The following COQ8B variants were observed in gnomAD, a reference collection of about 807,000 sequenced individuals.
COQ8B encodes coenzyme Q8B.
COQ8B carries 44 observed loss-of-function variants against 62.0 expected under a neutral mutation model. The ratio of observed to expected loss-of-function variants is 0.71; its 90% CI spans 0.56 to 0.91. The LOEUF (loss-of-function observed/expected upper bound fraction) is 0.91. Among genes scored for constraint, COQ8B ranks in the 40% least tolerant of loss-of-function variants. The pLI is 0.00. For synonymous variants in COQ8B, 252 were observed against 289.9 expected (o/e 0.87, Z 1.33); for missense variants, 649 against 731.6 (o/e 0.89, Z 1.30).
chr19:40,709,663 G>T (rs2082125866), intron 5 of COQ8B, among the ~76,000 whole-genome samples: 1 of 152,128 alleles, frequency 6.6e-6, no homozygotes, highest in South Asian at 2.1e-4. Context: ...GGCCAACATG[G>T]TGAAACCGTC....
In COQ8B at chr19:40,705,106, C is replaced by T; in HGVS notation, c.566G>A (p.Trp189Ter). ...VRQSADFMPRWQMLRVLEEEL... is the reference protein window; with the variant it reads ...VRQSADFMPR ...CCACTGGGCACTCACCAGCATCTGC[C>T]AGCGGGGCATGAAGTCGGCGCTCTG... Residue 189 changes from tryptophan to a stop codon, truncating the protein, a stop_gained, in exon 7 of 15, where the codon TGG (tryptophan) becomes TAG (stop). Transcript: ENST00000324464. LOFTEE classifies it high-confidence loss of function. 1 of 1,609,196 alleles carries T rather than the reference C, an allele frequency of 6.2e-7. No individual in the cohort carries two copies. Among genetic ancestry groups the T allele is most frequent in the Non-Finnish European group, 8.5e-7 (1 of 1,177,982 alleles).
At chr19:40,715,948 C>G (rs1443515511) in intron 1 of COQ8B, 1 of 152,486 alleles carries the variant, frequency 6.6e-6, no homozygotes, top group Non-Finnish European at 1.5e-5. Context: ...ATAGAGGCAT[C>G]TGGTTGGGGC....
At chr19:40,712,326 G>C (rs550055991) in intron 4 of COQ8B, among the ~76,000 whole-genome samples, 3 of 150,854 alleles carry the variant, frequency 2.0e-5, no homozygotes, top group Non-Finnish European at 4.4e-5. Context: ...TGTAATCCTG[G>C]CACTTTAGGA....
chr19:40,693,071 G>C lies in COQ8B; in HGVS notation c.1210-34C>G, dbSNP rs1206659294. The C allele has an allele frequency of 3.1e-6, 5 of 1,593,012 alleles. No homozygotes were observed. In the African/African-American group the frequency reaches 5.4e-5, roughly 17 times the overall value. ...ACGGGTGGGAGTTAGAGGGACAAAG[G>C]CCGGGGCTCAAGGGGGCTCTGGAGA... On this transcript the variant is annotated intron_variant, in intron 13 of 14. Coordinates refer to ENST00000324464, the MANE Select transcript of COQ8B (RefSeq NM_024876.4).
At position 40,714,653 on chromosome 19, in the gene COQ8B, G is replaced by A. The variant is rs1430034482; in HGVS notation, c.-3-18C>T. ...CACATTGCCTGGAGGAGAAGAGGAG[G>A]GATTATTCAGGTGGGAGTTGCCTGG... On this transcript the variant is annotated intron_variant, in intron 1 of 14. Coordinates refer to ENST00000324464, the MANE Select transcript of COQ8B (RefSeq NM_024876.4). 3.2e-6 allele frequency: 5 copies of A among 1,570,388 alleles called. No individual in the cohort carries two copies. Among genetic ancestry groups the A allele is most frequent in the Middle Eastern group, 1.7e-4 (1 of 5,826 alleles).
At chr19:40,697,875 G>GAGAGGGAGAGAGAGAGGC (rs58313890) in intron 12 of COQ8B, among the ~76,000 whole-genome samples, 2 of 103,476 alleles carry the variant, frequency 1.9e-5, no homozygotes, top group South Asian at 6.6e-4. Context: ...GAGAGAGAGA[G>GAGAGGGAGAGAGAGAGGC]AGTTTCTACT....
chr19:40,703,361 T>A (rs954141273), intron 9 of COQ8B, 180 bp downstream of exon 9: 31 of 639,026 alleles, frequency 4.9e-5, no homozygotes, highest in Non-Finnish European at 7.4e-5. Context: ...ATAAGGCTTT[T>A]CCCACACCTG....
At position 40,703,614 on chromosome 19, in the gene COQ8B, G is replaced by A; in HGVS notation, c.726C>T (p.Gly242=). 1.2e-6 allele frequency: 2 copies of A among 1,612,810 alleles called. No homozygotes were observed. The highest frequency in any genetic ancestry group is 1.7e-6 in the Non-Finnish European group (2 of 1,179,148). Residue 242 remains glycine (G), a synonymous_variant, in exon 9 of 15, where the codon GGC becomes GGT. Coordinates refer to ENST00000324464, the MANE Select transcript of COQ8B (RefSeq NM_024876.4). ...TEVAVKIQYP[G]IAQSIQSDVQ... ...CATCGCTCTGAATGCTCTGGGCTAT[G>A]CCGGGGTACTGTAAAGGGAGAAGGG...
chr19:40,713,914 G>C (rs965849525), intron 4 of COQ8B, among the ~76,000 whole-genome samples, 153 bp downstream of exon 4: 1 of 151,368 alleles, frequency 6.6e-6, no homozygotes, highest in Non-Finnish European at 1.5e-5. Flanking sequence ...TGTTCCTCTT[G>C]ATTTCTCTTG....
chr19:40,692,413 T>C, intron 14 of COQ8B, 40 bp from the exon 15 acceptor site: 1 of 1,581,454 alleles, frequency 6.3e-7, no homozygotes, highest in Non-Finnish European at 8.6e-7. Context: ...GCAGCCAGTG[T>C]GGACATAGAG....
chr19:40,696,440 G>T (rs572933473), intron 12 of COQ8B, among the ~76,000 whole-genome samples: 1 of 152,178 alleles, frequency 6.6e-6, no homozygotes, highest in African/African-American at 2.4e-5. Context: ...GCCAAGGTGG[G>T]TGGATCATGA....
At chr19:40,710,265 G>A (rs2082130749) in intron 4 of COQ8B, 129 bp from the exon 5 acceptor site, 3 of 936,320 alleles carry the variant, frequency 3.2e-6, no homozygotes, top group Non-Finnish European at 4.9e-6. Flanking sequence ...TTTTGTTTGA[G>A]ATGGAGTCTC....
Position 40,700,996 on chromosome 19 carries a change from G to A in COQ8B, c.894-545C>T, listed in dbSNP as rs566084780. ...GTCCCTGGACCTGGCCCCCAACCCC[G>A]AGACCACACTCTCACAAACAGACGG... On this transcript the variant is annotated intron_variant, in intron 10 of 14. Transcript: ENST00000324464. 35 of 153,080 alleles carry A rather than the reference G, an allele frequency of 2.3e-4. No homozygotes were observed. The South Asian group carries it at 6.4e-3, about 28-fold the overall frequency. The allele number at this position is 153,080 out of a possible 1,614,324, so 9.5% of individuals were successfully genotyped here.
At chr19:40,715,474 G>A in intron 1 of COQ8B, 1 of 985,414 alleles carries the variant, frequency 1.0e-6, no homozygotes, top group Non-Finnish European at 1.2e-6. Flanking sequence ...CAATTCCTTT[G>A]AATACACATT....
rs2082167998 is a variant in COQ8B at position 40,714,369 on chromosome 19, T to C, written c.131A>G (p.Lys44Arg). 6.2e-7 allele frequency: 1 copy of C among 1,613,970 alleles called. No individual in the cohort carries two copies. Among genetic ancestry groups the C allele is most frequent in the South Asian group, 1.1e-5 (1 of 91,072 alleles). Residue 44 changes from lysine to arginine, a missense_variant, in exon 3 of 15, where the codon AAG (lysine) becomes AGG (arginine). Transcript: ENST00000324464. ...WGPCGGSWAQ[K>R]FYQDGPGRGL... ...TCTCCCAGGCCCATCCTGGTAAAAC[T>C]TTTGGGCCCAAGAACCTCCACATGG...
At position 40,715,561 on chromosome 19, in the gene COQ8B, C is replaced by T. The variant is rs563873119; in HGVS notation, c.-3-926G>A. ...CACCCACATTCTGGCACCCAACCTC[C>T]TTCCTTGTGCATATAAATCCCTTGC... On this transcript the variant is annotated intron_variant, in intron 1 of 14. Transcript: ENST00000324464. 4 of 985,548 alleles carry T rather than the reference C, an allele frequency of 4.1e-6. No individual in the cohort carries two copies. The African/African-American group carries it at 7.0e-5, about 17-fold the overall frequency. The allele number at this position is 985,548 out of a possible 1,614,324, so 61.1% of individuals were successfully genotyped here.
At chr19:40,697,822 T>TTATA (rs66501221) in intron 12 of COQ8B, among the ~76,000 whole-genome samples, 2,234 of 78,762 alleles carry the variant, frequency 0.028, 81 homozygotes, top group Non-Finnish European at 0.033. Flanking sequence ...ATAAATAAAA[T>TTATA]TATATATATA....
At chr19:40,692,465 T>C (rs2081980598) in intron 14 of COQ8B, 92 bp from the exon 15 acceptor site, 2 of 1,111,148 alleles carry the variant, frequency 1.8e-6, no homozygotes, top group Admixed American at 2.2e-5. Context: ...CTCCACTCCC[T>C]CCAGTCTCCA....
intron 10 of COQ8B, among the ~76,000 whole-genome samples, chr19:40,701,834 G>C (rs1001602602): frequency 6.6e-5 from 10 of 152,158 alleles, no homozygotes; most frequent in Non-Finnish European, 1.2e-4. Context: ...CACGTTTTAG[G>C]CTGTCAATAA....
Sources: allele counts gnomAD v4.1 joint callset (sites outside exome capture counted in the v4.1 genomes callset), GRCh38; gene constraint gnomAD v4.1.1; transcripts MANE v1.5; gene names NCBI Gene and HGNC (gene_info 2026-07-23, HGNC 2026-07-21).